Variants in KIZ observed in about 807,000 individuals in gnomAD.
KIZ encodes the protein kizuna centrosomal protein.
A neutral mutation model predicts 79.6 loss-of-function variants in KIZ; 68 were observed. The ratio of observed to expected loss-of-function variants is 0.85; its 90% confidence interval spans 0.70 to 1.05. The LOEUF (loss-of-function observed/expected upper bound fraction) is 1.05. Ranked by LOEUF, KIZ falls within the 50% of genes least tolerant of loss-of-function variation. KIZ has a pLI of 0.00. For synonymous variants in KIZ, 280 were observed against 281.8 expected, an observed-to-expected ratio of 0.99 and a Z score of 0.06; for missense variants, 797 against 800.4, an observed-to-expected ratio of 1.00 and a Z score of 0.05.
chr20:21,143,543 C>G (rs775523892), intron 3 of KIZ, among the ~76,000 whole-genome samples: 2 of 152,190 alleles, frequency 1.3e-5, no homozygotes, highest in African/African-American at 2.4e-5. Context: ...TTCATTAATT[C>G]AGCTGAAATA....
intron 9 of KIZ, among the ~76,000 whole-genome samples, chr20:21,216,049 AAAAAATGT>A (rs991311415): frequency 1.3e-5 from 2 of 152,202 alleles, no homozygotes; most frequent in Non-Finnish European, 2.9e-5. Context: ...GCAGATAATA[AAAAAATGT>A]CAGATAGGAA....
chr20:21,187,421 T>C lies in KIZ; in HGVS notation c.1353-18070T>C, dbSNP rs537720725. The stretch of plus-strand genomic sequence containing the variant: ...TAACTCTGTACTAGACCCATTCCCA[T>C]TCATCAGACTAAATTGGCCTCTGTG... On this transcript the variant is annotated intron_variant, in intron 6 of 12. Coordinates refer to ENST00000619189, the MANE Select transcript of KIZ (RefSeq NM_018474.6). Among the ~76,000 whole-genome samples the C allele has an allele frequency of 5.3e-5, 8 of 152,306 alleles. No individual in the cohort carries two copies. In the East Asian group the frequency reaches 9.6e-4, roughly 18 times the overall value.
At chr20:21,208,509 T>C (rs541598244) in intron 7 of KIZ, among the ~76,000 whole-genome samples, 50 of 152,168 alleles carry the variant, frequency 3.3e-4, no homozygotes, top group African/African-American at 5.3e-4. Context: ...CGAGACCATC[T>C]TGGCTAACAC....
At position 21,179,689 on chromosome 20, in the gene KIZ, A is replaced by G. The variant is rs948916503; in HGVS notation, c.1352+16530A>G. 3.3e-5 allele frequency among the ~76,000 whole-genome samples: 5 copies of G among 152,026 alleles called. No homozygotes were observed. The East Asian group carries it at 9.7e-4, about 29-fold the overall frequency. Reference sequence around the variant, plus strand: ...TGATTTAAGCTTTTCTTCTTTTTAAATGTAAGTTTTTACTGCTATAAACTT... The same window carrying G: ...TGATTTAAGCTTTTCTTCTTTTTAAGTGTAAGTTTTTACTGCTATAAACTT... On this transcript the variant is annotated intron_variant, in intron 6 of 12. Coordinates refer to ENST00000619189, the MANE Select transcript of KIZ (RefSeq NM_018474.6).
chr20:21,217,733 A>G (rs1011852313), intron 9 of KIZ, among the ~76,000 whole-genome samples: 3 of 152,224 alleles, frequency 2.0e-5, no homozygotes, highest in Non-Finnish European at 4.4e-5. Context: ...GAAAGTGCCA[A>G]GCAGATACTA....
intron 11 of KIZ, among the ~76,000 whole-genome samples, chr20:21,236,119 G>T (rs2036998736): frequency 6.6e-6 from 1 of 152,114 alleles, no homozygotes; most frequent in African/African-American, 2.4e-5. Flanking sequence ...TGTTTTTTCT[G>T]CACAAAGCAA....
intron 11 of KIZ, among the ~76,000 whole-genome samples, chr20:21,238,334 T>TGAGA (rs1555889283): frequency 9.4e-5 from 9 of 95,662 alleles, no homozygotes; most frequent in African/African-American, 2.4e-4. Flanking sequence ...CATAAGGGTG[T>TGAGA]GAGAGAGAGA....
chr20:21,163,980 A>G (rs2033814424), intron 6 of KIZ, among the ~76,000 whole-genome samples: 1 of 152,134 alleles, frequency 6.6e-6, no homozygotes, highest in Admixed American at 6.5e-5. Context: ...CACCTTTTAC[A>G]AATGAGGAAA....
intron 9 of KIZ, among the ~76,000 whole-genome samples, chr20:21,228,388 C>T (rs11697462): frequency 0.58 from 88,825 of 152,074 alleles, 27,567 homozygotes; most frequent in South Asian, 0.78. Context: ...CATTAGAAGC[C>T]CTGCATGGCC....
chr20:21,205,658 TAA>T (rs11478463), intron 7 of KIZ, 74 bp downstream of exon 7: 26,967 of 489,694 alleles, frequency 0.055, 167 homozygotes, highest in African/African-American at 0.11. Flanking sequence ...AATTTTTATT[TAA>T]AAAAAAAAAA....
rs575642143 is a variant in KIZ, at chr20:21,140,410, T to G, written c.315+3858T>G. Among the ~76,000 whole-genome samples, 96 of 152,032 alleles carry G rather than the reference T, an allele frequency of 6.3e-4. 1 individual carries two copies. The highest frequency in any genetic ancestry group is 1.0e-3 in the Non-Finnish European group (68 of 67,958). Reference sequence around the variant, plus strand: ...TGAAGCAGTGTGAGAGAAGTGGGGGTTTTGCCCAAACTGATACCAAGTGAC... The same window carrying G: ...TGAAGCAGTGTGAGAGAAGTGGGGGGTTTGCCCAAACTGATACCAAGTGAC... On this transcript the variant is annotated intron_variant, in intron 3 of 12. Transcript: ENST00000619189.
chr20:21,199,837 A>T (rs2035516727), intron 6 of KIZ, among the ~76,000 whole-genome samples: 1 of 151,860 alleles, frequency 6.6e-6, no homozygotes, highest in Non-Finnish European at 1.5e-5. Flanking sequence ...TTCTTTTTTT[A>T]AGACAGAATC....
chr20:21,231,159 C>T (rs1377259165), intron 10 of KIZ, among the ~76,000 whole-genome samples: 3 of 152,124 alleles, frequency 2.0e-5, no homozygotes, highest in Non-Finnish European at 4.4e-5. Context: ...ATGGTGAAAT[C>T]CTGTCTACTA....
At chr20:21,174,123 A>G (rs1002970626) in intron 6 of KIZ, among the ~76,000 whole-genome samples, 7 of 152,236 alleles carry the variant, frequency 4.6e-5, no homozygotes, top group Non-Finnish European at 1.0e-4. Context: ...CTCAGGTCAC[A>G]GAGGTGCAGC....
chr20:21,239,960 G>A lies in KIZ; in HGVS notation c.1881-4285G>A, dbSNP rs369648616. ...AAGATGGCTTAATGGCTAGGCAGAG[G>A]GGAGAGATGTGATGAAGTCAGTACA... On this transcript the variant is annotated intron_variant, in intron 11 of 12. Transcript: ENST00000619189. Among the ~76,000 whole-genome samples, 4 of 152,142 alleles carry A rather than the reference G, an allele frequency of 2.6e-5. No individual in the cohort carries two copies. The East Asian group carries it at 7.7e-4, about 29-fold the overall frequency.
intron 11 of KIZ, among the ~76,000 whole-genome samples, chr20:21,242,652 T>TGGGTCAG (rs1471756382): frequency 1.3e-5 from 2 of 151,786 alleles, no homozygotes; most frequent in Non-Finnish European, 2.9e-5. Context: ...GGGAGACTAG[T>TGGGTCAG]GGGTCAGGGG....
intron 4 of KIZ, among the ~76,000 whole-genome samples, chr20:21,159,860 C>G (rs1012670600): frequency 1.3e-5 from 2 of 152,314 alleles, no homozygotes; most frequent in South Asian, 2.1e-4. Context: ...TGTTTACACT[C>G]TCCGTACTTC....
chr20:21,161,502 T>G (rs1228459285), intron 4 of KIZ, among the ~76,000 whole-genome samples: 1 of 151,316 alleles, frequency 6.6e-6, no homozygotes, highest in African/African-American at 2.4e-5. Context: ...CGGCTAATTT[T>G]TGTATTTTTA....
chr20:21,149,280 A>G (rs557236610), intron 4 of KIZ, among the ~76,000 whole-genome samples: 1 of 152,304 alleles, frequency 6.6e-6, no homozygotes, highest in Admixed American at 6.5e-5. Flanking sequence ...ATTCCTGGTG[A>G]AATAAAAACA....
Sources: gnomAD v4.1 joint callset for allele counts (sites outside exome capture counted in the v4.1 genomes callset) on GRCh38, gnomAD v4.1.1 for gene constraint, MANE v1.5 for transcripts, NCBI Gene and HGNC (gene_info 2026-07-23, HGNC 2026-07-21) for gene names.